CA10: variants seen among roughly 807,000 people sequenced by gnomAD.
The protein encoded by CA10 is carbonic anhydrase 10 (inactive).
In CA10, 14 loss-of-function variants were observed where a neutral mutation model predicts 44.2. The ratio of observed to expected loss-of-function variants is 0.32; its 90% CI spans 0.21 to 0.50. CA10 has a LOEUF of 0.50. Among genes scored for constraint, CA10 ranks in the 20% least tolerant of loss-of-function variants. CA10 has a pLI of 0.99. For synonymous variants in CA10, 159 were observed against 141.6 expected, an observed-to-expected ratio of 1.12 and a Z score of -0.87; for missense variants, 350 against 409.7, an observed-to-expected ratio of 0.85 and a Z score of 1.26.
At chr17:51,848,498 G>A (rs1978599007) in intron 3 of CA10, among the ~76,000 whole-genome samples, 1 of 152,200 alleles carries the variant, frequency 6.6e-6, no homozygotes, top group Non-Finnish European at 1.5e-5. Flanking sequence ...AGGCAATGGA[G>A]ATACACAGCA....
At chr17:51,962,773 A>AATCCTACAC (rs1279856767) in intron 2 of CA10, among the ~76,000 whole-genome samples, 1 of 152,196 alleles carries the variant, frequency 6.6e-6, no homozygotes, top group Non-Finnish European at 1.5e-5. Flanking sequence ...AAAAGGGAAA[A>AATCCTACAC]ATCCTACACA....
intron 4 of CA10, among the ~76,000 whole-genome samples, chr17:51,675,040 C>T (rs1037519788): frequency 3.3e-5 from 5 of 152,316 alleles, no homozygotes; most frequent in Non-Finnish European, 7.4e-5. Flanking sequence ...TGTTGCCCCC[C>T]GTTGCCTTAA....
chr17:52,052,589 T>C (rs1987108616), intron 2 of CA10, among the ~76,000 whole-genome samples: 2 of 152,066 alleles, frequency 1.3e-5, no homozygotes, highest in Non-Finnish European at 2.9e-5. Flanking sequence ...ACCAGGAATT[T>C]TGAGGAGTTT....
intron 3 of CA10, among the ~76,000 whole-genome samples, chr17:51,919,826 A>AT (rs1318468268): frequency 1.1e-4 from 17 of 151,736 alleles, no homozygotes; most frequent in Admixed American, 2.6e-4. Flanking sequence ...TAATTTTTGT[A>AT]ATTTTTTAGT....
At chr17:52,013,798 T>TA (rs1266980967) in intron 2 of CA10, among the ~76,000 whole-genome samples, 1 of 152,006 alleles carries the variant, frequency 6.6e-6, no homozygotes, top group African/African-American at 2.4e-5. Flanking sequence ...CCCACTCTGA[T>TA]ACCAAAATCT....
At chr17:51,867,515 C>T (rs1979603280) in intron 3 of CA10, among the ~76,000 whole-genome samples, 1 of 152,186 alleles carries the variant, frequency 6.6e-6, no homozygotes, top group Admixed American at 6.5e-5. Context: ...ACGAGATGCT[C>T]ACAGTGTTTA....
chr17:51,874,646 T>C (rs566998413), intron 3 of CA10, among the ~76,000 whole-genome samples: 1 of 152,150 alleles, frequency 6.6e-6, no homozygotes, highest in Non-Finnish European at 1.5e-5. Context: ...ACTGAAAACA[T>C]TGATACTCAG....
Position 52,072,678 on chromosome 17 carries a change from TACACACAC to T in CA10, c.62-293_62-286del, listed in dbSNP as rs58984767. ...CTACCTGTCCTCATCATCTTCCCCA[TACACACAC>T]ACACACACACACACACACACACACA... is the stretch of plus-strand genomic sequence containing the variant. On this transcript the variant is annotated intron_variant, in intron 1 of 8. Coordinates refer to ENST00000451037, the MANE Select transcript of CA10 (RefSeq NM_020178.5). Among the ~76,000 whole-genome samples, 419 of 140,170 alleles carry T rather than the reference TACACACAC, an allele frequency of 3.0e-3. 1 individual carries two copies. Among genetic ancestry groups the T allele is most frequent in the African/African-American group, 9.4e-3 (350 of 37,154 alleles). The allele number at this position is 140,170 out of a possible 152,430, so 92.0% of individuals were successfully genotyped here.
intron 1 of CA10, among the ~76,000 whole-genome samples, chr17:52,108,192 TTTTATATATATATATATATATATA>T (rs1988705232): frequency 8.8e-6 from 1 of 113,136 alleles, no homozygotes; most frequent in Non-Finnish European, 2.1e-5. Context: ...TATATATATT[TTTTATATATATATATATATATATA>T]TATATATATA....
chr17:51,763,943 A>T (rs1486336348), intron 3 of CA10, among the ~76,000 whole-genome samples: 1 of 151,852 alleles, frequency 6.6e-6, no homozygotes, highest in Non-Finnish European at 1.5e-5. Flanking sequence ...ACATGGCCCA[A>T]CTTAAGCCCT....
chr17:52,037,191 C>G (rs1986642830), intron 2 of CA10, among the ~76,000 whole-genome samples: 1 of 152,088 alleles, frequency 6.6e-6, no homozygotes, highest in Non-Finnish European at 1.5e-5. Flanking sequence ...TTCGAAATCC[C>G]TGGGTTGGCA....
intron 2 of CA10, among the ~76,000 whole-genome samples, chr17:51,957,128 AATAGAGGGTAATAGATGAGCTCAAGT>A (rs1983696703): frequency 6.6e-6 from 1 of 152,174 alleles, no homozygotes; most frequent in Admixed American, 6.5e-5. Context: ...ATTCTACAGG[AATAGAGGGTAATAGATGAGCTCAAGT>A]ATTTTGCGAG....
intron 3 of CA10, among the ~76,000 whole-genome samples, chr17:51,917,851 C>T (rs1033621372): frequency 6.6e-6 from 1 of 152,180 alleles, no homozygotes; most frequent in African/African-American, 2.4e-5. Flanking sequence ...AACTATATTA[C>T]TGTGGGATCA....
intron 1 of CA10, among the ~76,000 whole-genome samples, chr17:52,114,306 T>C (rs2143294112): frequency 6.6e-6 from 1 of 152,316 alleles, no homozygotes; most frequent in East Asian, 1.9e-4. Flanking sequence ...AGCTTGATGA[T>C]CTGCTTGTAT....
chr17:51,689,368 C>A (rs1915111096), intron 4 of CA10, among the ~76,000 whole-genome samples: 1 of 152,148 alleles, frequency 6.6e-6, no homozygotes, highest in Non-Finnish European at 1.5e-5. Context: ...AGCCCAGGGC[C>A]ATTTGATTCC....
At chr17:51,748,770 T>C (rs555125859) in intron 3 of CA10, among the ~76,000 whole-genome samples, 1 of 152,324 alleles carries the variant, frequency 6.6e-6, no homozygotes, top group South Asian at 2.1e-4. Context: ...CCTGAAGGGC[T>C]TCCTGTACCT....
chr17:51,998,749 G>C (rs1985324091), intron 2 of CA10, among the ~76,000 whole-genome samples: 1 of 151,962 alleles, frequency 6.6e-6, no homozygotes, highest in African/African-American at 2.4e-5. Flanking sequence ...TTTAATGCTA[G>C]GACTCTGGTT....
chr17:52,047,434 A>G lies in CA10; in HGVS notation c.136+24885T>C, dbSNP rs190770395. ...AAATTTGAAATTAAAGAATTTTACTATAAGTAAATAATATCTCAACAGAAT... is the reference window on the plus strand; with the variant it reads ...AAATTTGAAATTAAAGAATTTTACTGTAAGTAAATAATATCTCAACAGAAT... On this transcript the variant is annotated intron_variant, in intron 2 of 8. Coordinates refer to ENST00000451037, the MANE Select transcript of CA10 (RefSeq NM_020178.5). 1.2e-3 allele frequency among the ~76,000 whole-genome samples: 188 copies of G among 152,098 alleles called. 5 individuals carry two copies. The South Asian group carries it at 0.023, about 18-fold the overall frequency.
intron 2 of CA10, among the ~76,000 whole-genome samples, chr17:52,036,393 C>T (rs1986619347): frequency 6.6e-6 from 1 of 151,962 alleles, no homozygotes; most frequent in African/African-American, 2.4e-5. Context: ...CAGAAGCTTG[C>T]AGTATAGTAG....
Sources: allele counts gnomAD v4.1 joint callset (sites outside exome capture counted in the v4.1 genomes callset), GRCh38; gene constraint gnomAD v4.1.1; transcripts MANE v1.5; gene names NCBI Gene and HGNC (gene_info 2026-07-23, HGNC 2026-07-21).